DENND2B: variants seen among roughly 807,000 people sequenced by gnomAD.
DENND2B encodes DENN domain containing 2B.
DENND2B carries 32 observed loss-of-function variants against 116.0 expected under a neutral mutation model. The observed-to-expected ratio is 0.28, with a 90% CI of 0.21 to 0.37. The LOEUF is 0.37. Ranked by LOEUF, DENND2B falls within the 10% of genes least tolerant of loss-of-function variation. The pLI is 1.00. For missense variants in DENND2B, 1,276 were observed against 1,477.7 expected (o/e 0.86, Z 2.24); for synonymous variants, 588 against 583.9 (o/e 1.01, Z -0.10).
intron 4 of DENND2B, among the ~76,000 whole-genome samples, chr11:8,823,510 G>A (rs1256609254): frequency 3.3e-5 from 5 of 152,186 alleles, no homozygotes; most frequent in South Asian, 2.1e-4. Flanking sequence ...CAGGTGTCAT[G>A]GGAAGGATCC....
At chr11:8,906,509 CA>C (rs34773959) in intron 1 of DENND2B, among the ~76,000 whole-genome samples, 10,689 of 124,142 alleles carry the variant, frequency 0.086, 404 homozygotes, top group South Asian at 0.22. Flanking sequence ...AAGAAGTCTT[CA>C]AAAAAAAAAA....
At chr11:8,694,188 C>T in intron 19 of DENND2B, 58 bp from the exon 20 acceptor site, 2 of 1,593,278 alleles carry the variant, frequency 1.3e-6, no homozygotes, top group Admixed American at 3.3e-5. Flanking sequence ...AACCTCCACT[C>T]CCTCTCCTCC....
rs778569454 is a variant in DENND2B, at chr11:8,717,715, ACAGGCCGATGT to A, written c.1629+15_1629+25del. The A allele has an allele frequency of 6.6e-7, 1 of 1,522,548 alleles. No homozygotes were observed. Among genetic ancestry groups the A allele is most frequent in the South Asian group, 1.3e-5 (1 of 76,500 alleles). 94.3% of individuals were successfully genotyped at this position (1,522,548 alleles called of 1,614,324 possible). ...CCACTGTGGCCCTCACGCTAACCCT[ACAGGCCGATGT>A]CAGGGCTGAGTTACCTGTGTGGGCG... On this transcript the variant is annotated intron_variant, in intron 5 of 19. Transcript: ENST00000313726.
chr11:8,809,197 AC>A (rs1453366911), intron 1 of DENND2B: 1 of 152,216 alleles, frequency 6.6e-6, no homozygotes. Flanking sequence ...ACCCTTGTGG[AC>A]CCTCAGGCCA....
rs146016362 is a variant in DENND2B, at chr11:8,822,432, G to A, written c.-114-11097C>T. 8.4e-4 allele frequency among the ~76,000 whole-genome samples: 128 copies of A among 152,294 alleles called. 1 individual carries two copies. The East Asian group carries it at 0.018, about 21-fold the overall frequency. The stretch of plus-strand genomic sequence containing the variant: ...CAGTATTAACTATAGTCACTATGCT[G>A]TACATTAGATTCCCAGGATTTATCT... On this transcript the variant is annotated intron_variant, in intron 4 of 6. Coordinates refer to the DENND2B transcript ENST00000524757.
At chr11:8,717,655 T>A in intron 5 of DENND2B, 86 bp downstream of exon 5, 1 of 1,451,932 alleles carries the variant, frequency 6.9e-7, no homozygotes. Flanking sequence ...AAAGCCTGAG[T>A]GGAAGCTGGG....
chr11:8,772,589 T>C (rs566286169), intron 1 of DENND2B, among the ~76,000 whole-genome samples: 1 of 152,020 alleles, frequency 6.6e-6, no homozygotes, highest in African/African-American at 2.4e-5. Flanking sequence ...ATACTAATAG[T>C]AGAGTGAGTG....
In DENND2B at chr11:8,712,064, G is replaced by C; in HGVS notation, c.2172+487C>G. Reference sequence around the variant, plus strand: ...GGCAGAGGCAATGGCAGAGAGAGAGGGGTTGAGTGTGAGAGGAAGAAGAGG... The same window carrying C: ...GGCAGAGGCAATGGCAGAGAGAGAGCGGTTGAGTGTGAGAGGAAGAAGAGG... On this transcript the variant is annotated intron_variant, in intron 9 of 19. Transcript: ENST00000313726. The surrounding 1 kb of genome is among the most constrained non-coding windows in gnomAD (Gnocchi z 4.4). The C allele has an allele frequency of 2.2e-6, 1 of 444,882 alleles. No individual in the cohort carries two copies. 27.6% of individuals were successfully genotyped at this position (444,882 alleles called of 1,614,324 possible). A position where few individuals can be genotyped will look rare whatever the true frequency, so the allele number is the denominator to read the frequency against.
chr11:8,740,889 G>A (rs866137530), intron 2 of DENND2B, among the ~76,000 whole-genome samples: 4 of 152,204 alleles, frequency 2.6e-5, no homozygotes, highest in Admixed American at 2.0e-4. Flanking sequence ...ACTCTTGAGC[G>A]TGGAGGAGAA....
rs189479175 is a variant in DENND2B at position 8,901,275 on chromosome 11, G to T, written c.-256+9546C>A. 3.3e-3 allele frequency among the ~76,000 whole-genome samples: 381 copies of T among 115,786 alleles called. 6 individuals are homozygous for T. In the East Asian group the frequency reaches 0.044, roughly 13 times the overall value. 76.0% of individuals were successfully genotyped at this position (115,786 alleles called of 152,430 possible). On this transcript the variant is annotated intron_variant, in intron 1 of 22. Coordinates refer to the DENND2B transcript ENST00000534127. ...GATGGAGTCTTGCTCTATTGCCCAG[G>T]CTGGAGTGCAGTGGTGCAATCTCAG...
At chr11:8,874,393 C>G (rs1452052968), upstream of DENND2B, among the ~76,000 whole-genome samples, 3 of 152,208 alleles carry the variant, frequency 2.0e-5, no homozygotes, top group African/African-American at 7.2e-5. Flanking sequence ...TAGAACTTGA[C>G]ATCACAAAGA....
At chr11:8,845,837 T>G (rs928651656) in intron 3 of DENND2B, among the ~76,000 whole-genome samples, 1 of 152,216 alleles carries the variant, frequency 6.6e-6, no homozygotes. Context: ...ATTATGTTTA[T>G]TCGTGGATAA....
chr11:8,794,869 T>G (rs1373816567), intron 1 of DENND2B: 3 of 152,292 alleles, frequency 2.0e-5, no homozygotes, highest in African/African-American at 7.2e-5. Flanking sequence ...CTTCCAGGTG[T>G]TCTCAGCCTT....
chr11:8,716,284 G>A (rs1050313451), intron 5 of DENND2B, among the ~76,000 whole-genome samples: 3 of 152,154 alleles, frequency 2.0e-5, no homozygotes, highest in African/African-American at 7.2e-5. Context: ...CCTCCTAACT[G>A]CTCCCATGGA....
At chr11:8,713,642 A>G (rs2044187704) in intron 8 of DENND2B, among the ~76,000 whole-genome samples, 1 of 152,114 alleles carries the variant, frequency 6.6e-6, no homozygotes, top group African/African-American at 2.4e-5. Context: ...GGCCTCCCAA[A>G]GTGCTGGGAT....
rs181618651 is a variant in DENND2B, at chr11:8,769,912, C to A, written c.-25-19187G>T. 3.1e-4 allele frequency among the ~76,000 whole-genome samples: 47 copies of A among 152,252 alleles called. 2 individuals carry two copies. The East Asian group carries it at 8.9e-3, about 29-fold the overall frequency. Reference sequence around the variant, plus strand: ...GTGGGAGGCCAAGGCAGGCAGATCACCTGAACCCAGGAGTTCAAGACCAGC... The same window carrying A: ...GTGGGAGGCCAAGGCAGGCAGATCAACTGAACCCAGGAGTTCAAGACCAGC... On this transcript the variant is annotated intron_variant, in intron 1 of 19. Transcript: ENST00000313726.
upstream of DENND2B, chr11:8,810,806 G>GTCTCTCTCTCTCTCTCTCTCTCTC (rs34550908): frequency 1.5e-4 from 21 of 140,320 alleles, 1 homozygote; most frequent in African/African-American, 5.5e-4. Flanking sequence ...CTTTCTCACT[G>GTCTCTCTCTCTCTCTCTCTCTCTC]TCTCTCTCTC....
chr11:8,811,751 A>C (rs899392583), upstream of DENND2B, among the ~76,000 whole-genome samples: 2 of 152,148 alleles, frequency 1.3e-5, no homozygotes, highest in Non-Finnish European at 2.9e-5. Flanking sequence ...AATTTCTTTT[A>C]GAGACAGGAT....
At chr11:8,853,554 G>T (rs1471719497) in intron 3 of DENND2B, among the ~76,000 whole-genome samples, 1 of 152,100 alleles carries the variant, frequency 6.6e-6, no homozygotes, top group Non-Finnish European at 1.5e-5. Context: ...CTGGCCTAAA[G>T]TATTTTGTTA....
Sources: allele counts gnomAD v4.1 joint callset (sites outside exome capture counted in the v4.1 genomes callset), GRCh38; gene constraint gnomAD v4.1.1; non-coding constraint Gnocchi (gnomAD v3.1); transcripts MANE v1.5; gene names NCBI Gene and HGNC (gene_info 2026-07-23, HGNC 2026-07-21).